Variants in EDA observed in about 807,000 individuals in gnomAD.
The protein encoded by EDA is ectodysplasin-A.
Under a neutral mutation model 23.6 loss-of-function variants are expected in EDA, and 2 were observed. That is an observed-to-expected ratio of 0.08 (90% CI 0.03 to 0.27). The LOEUF is 0.27. EDA is among the 10% of genes least tolerant of loss of function. The pLI is 1.00. For synonymous variants in EDA, 131 were observed against 132.0 expected, an observed-to-expected ratio of 0.99 and a Z score of 0.05; for missense variants, 229 against 324.2, an observed-to-expected ratio of 0.71 and a Z score of 2.26.
chrX:69,926,724 T>C (rs185521017), intron 1 of EDA, among the ~76,000 whole-genome samples: 6 of 111,526 alleles, frequency 5.4e-5, no homozygotes, highest in African/African-American at 2.0e-4. Context: ...TTAATTTTTA[T>C]CTCATTGATC....
chrX:69,687,911 C>T (rs951635632), intron 1 of EDA, among the ~76,000 whole-genome samples: 6 of 111,238 alleles, frequency 5.4e-5, no homozygotes, highest in Admixed American at 9.6e-5. Flanking sequence ...GAATGCACTC[C>T]GATCAACTCC....
At chrX:69,891,240 C>G (rs1258616255) in intron 1 of EDA, among the ~76,000 whole-genome samples, 1 of 111,493 alleles carries the variant, frequency 9.0e-6, no homozygotes, top group African/African-American at 3.3e-5. Flanking sequence ...ATAACAGATG[C>G]TGGCAAGGTT....
chrX:69,681,042 G>C (rs1450842393), intron 1 of EDA, among the ~76,000 whole-genome samples: 2 of 109,703 alleles, frequency 1.8e-5, no homozygotes, highest in Middle Eastern at 4.7e-3. Flanking sequence ...CTCAGCATTT[G>C]CTTGTGTGTA....
intron 1 of EDA, among the ~76,000 whole-genome samples, chrX:69,707,840 C>A (rs1004361531): frequency 1.1e-3 from 118 of 111,541 alleles, no homozygotes; most frequent in African/African-American, 3.8e-3. Flanking sequence ...CTGACCCAGG[C>A]AGACACCTGT....
intron 1 of EDA, among the ~76,000 whole-genome samples, chrX:69,660,973 G>A: frequency 9.0e-6 from 1 of 111,241 alleles, no homozygotes; most frequent in Non-Finnish European, 1.9e-5. Context: ...CAGTGTAAAA[G>A]TGTTCCTATT....
At chrX:69,750,739 A>T (rs2013814050) in intron 1 of EDA, among the ~76,000 whole-genome samples, 1 of 111,556 alleles carries the variant, frequency 9.0e-6, no homozygotes, top group Non-Finnish European at 1.9e-5. Flanking sequence ...ATGGTATCTC[A>T]TTGTGATTTT....
At position 69,967,729 on chromosome X, in the gene EDA, A is replaced by G. The variant is rs774757130; in HGVS notation, c.502+10597A>G. Among the ~76,000 whole-genome samples the G allele has an allele frequency of 2.7e-5, 3 of 112,199 alleles. No individual in the cohort carries two copies. In the East Asian group the frequency reaches 8.4e-4, roughly 31 times the overall value. On this transcript the variant is annotated intron_variant, in intron 2 of 7. Transcript: ENST00000374552. ...ACCTTAGGGCTTAAATGATATCATC[A>G]GGACTTTCTCCGCTCTGCTTTCCTT...
chrX:69,770,525 T>G (rs2014598161), intron 1 of EDA, among the ~76,000 whole-genome samples: 7 of 112,122 alleles, frequency 6.2e-5, no homozygotes, highest in Admixed American at 3.8e-4. Flanking sequence ...TTTTGCCATC[T>G]GTACACCCTC....
chrX:69,953,124 A>T (rs184605676), intron 1 of EDA, among the ~76,000 whole-genome samples: 106 of 111,996 alleles, frequency 9.5e-4, no homozygotes, highest in African/African-American at 3.3e-3. Flanking sequence ...TTATTGGAAA[A>T]GCCGTTCAAA....
chrX:70,012,259 G>A (rs1386625287), intron 2 of EDA, among the ~76,000 whole-genome samples: 1 of 112,091 alleles, frequency 8.9e-6, no homozygotes, highest in African/African-American at 3.2e-5. Flanking sequence ...CTCTGAATAG[G>A]TATGAATAAG....
chrX:69,646,818 T>C (rs918309331), intron 1 of EDA, among the ~76,000 whole-genome samples: 42 of 112,178 alleles, frequency 3.7e-4, no homozygotes, highest in Admixed American at 1.7e-3. Flanking sequence ...CAGTGTGTTT[T>C]GTAGTGGCCA....
intron 1 of EDA, among the ~76,000 whole-genome samples, chrX:69,665,941 G>T (rs1933666501): frequency 9.0e-6 from 1 of 110,688 alleles, no homozygotes; most frequent in Admixed American, 9.7e-5. Context: ...TTTTCCAATC[G>T]ATGAGCATGG....
At chrX:69,751,062 C>G (rs910084377) in intron 1 of EDA, among the ~76,000 whole-genome samples, 3 of 109,444 alleles carry the variant, frequency 2.7e-5, no homozygotes, top group African/African-American at 9.9e-5. Context: ...GCTTTTGTTG[C>G]CATTGCTTTT....
At chrX:69,741,632 G>A (rs2013463928) in intron 1 of EDA, among the ~76,000 whole-genome samples, 1 of 111,636 alleles carries the variant, frequency 9.0e-6, no homozygotes, top group African/African-American at 3.3e-5. Context: ...TCAATGTATG[G>A]GGCATAAATT....
chrX:69,632,330 C>G (rs766662581), intron 1 of EDA, among the ~76,000 whole-genome samples: 4 of 112,024 alleles, frequency 3.6e-5, no homozygotes, highest in Non-Finnish European at 7.5e-5. Flanking sequence ...CAATCACCCT[C>G]TTGCAATTAC....
intron 2 of EDA, among the ~76,000 whole-genome samples, chrX:70,020,423 G>A (rs939303933): frequency 7.2e-5 from 8 of 110,761 alleles, no homozygotes; most frequent in African/African-American, 2.6e-4. Flanking sequence ...GCCGGGCGTG[G>A]TGGCGGGTGC....
chrX:69,675,639 C>G (rs1334653038), intron 1 of EDA, among the ~76,000 whole-genome samples: 1 of 110,559 alleles, frequency 9.0e-6, no homozygotes, highest in African/African-American at 3.3e-5. Context: ...TTATTAAGAA[C>G]TACCATCTAC....
At chrX:69,975,669 C>T (rs2019307705) in intron 2 of EDA, among the ~76,000 whole-genome samples, 1 of 111,436 alleles carries the variant, frequency 9.0e-6, no homozygotes, top group Non-Finnish European at 1.9e-5. Flanking sequence ...AAGTGGGCTA[C>T]ACATAGACCA....
chrX:69,969,512 C>T (rs1376195875), intron 2 of EDA, among the ~76,000 whole-genome samples: 2 of 111,701 alleles, frequency 1.8e-5, no homozygotes, highest in Non-Finnish European at 3.8e-5. Context: ...TTTTATATTT[C>T]AGATTACACA....
Sources: allele counts gnomAD v4.1 joint callset (sites outside exome capture counted in the v4.1 genomes callset), GRCh38; gene constraint gnomAD v4.1.1; transcripts MANE v1.5; gene names NCBI Gene and HGNC (gene_info 2026-07-23, HGNC 2026-07-21).